COL26A1: variants seen among roughly 807,000 people sequenced by gnomAD.
COL26A1 encodes collagen type XXVI alpha 1 chain, also known as collagen alpha-1(XXVI) chain.
In COL26A1, 41 loss-of-function variants were observed where a neutral mutation model predicts 59.3. That is an observed-to-expected ratio of 0.69 (90% CI 0.54 to 0.90). The LOEUF is 0.90. Ranked by LOEUF, COL26A1 falls within the 40% of genes least tolerant of loss-of-function variation. The pLI is 0.00. For missense variants in COL26A1, 612 were observed against 602.3 expected (o/e 1.02, Z -0.17); for synonymous variants, 266 against 256.0 (o/e 1.04, Z -0.37).
chr7:101,385,386 T>TATATATATATATATATA (rs58580713), intron 1 of COL26A1, among the ~76,000 whole-genome samples: 14 of 149,784 alleles, frequency 9.3e-5, no homozygotes, highest in East Asian at 2.0e-4. Context: ...TATATATATA[T>TATATATATATATATATA]TTGTGACGGA....
intron 4 of COL26A1, among the ~76,000 whole-genome samples, chr7:101,538,751 C>T (rs531284301): frequency 1.8e-4 from 28 of 152,206 alleles, no homozygotes; most frequent in Admixed American, 8.5e-4. Context: ...GGAGACACCC[C>T]TGCTGGGGAG....
chr7:101,447,102 G>A (rs765387440), intron 2 of COL26A1, among the ~76,000 whole-genome samples: 1 of 152,118 alleles, frequency 6.6e-6, no homozygotes, highest in Non-Finnish European at 1.5e-5. Flanking sequence ...CACTGCTCAA[G>A]CCAGATTACA....
At chr7:101,433,268 G>T (rs768238856) in intron 2 of COL26A1, among the ~76,000 whole-genome samples, 1 of 152,090 alleles carries the variant, frequency 6.6e-6, no homozygotes, top group Admixed American at 6.6e-5. Context: ...AAGTTGTAGT[G>T]AACCAAGATC....
chr7:101,469,633 G>A (rs1247934722), intron 3 of COL26A1, among the ~76,000 whole-genome samples: 1 of 152,066 alleles, frequency 6.6e-6, no homozygotes, highest in East Asian at 1.9e-4. Context: ...GGGATTACAG[G>A]CGTGTGCCAC....
intron 1 of COL26A1, among the ~76,000 whole-genome samples, chr7:101,397,662 G>A (rs1035860138): frequency 3.3e-5 from 5 of 150,648 alleles, no homozygotes; most frequent in Non-Finnish European, 7.4e-5. Context: ...TTAGCCTCCC[G>A]AGTAGCTGGG....
At chr7:101,365,612 A>G (rs371748965) in intron 1 of COL26A1, among the ~76,000 whole-genome samples, 26 of 152,096 alleles carry the variant, frequency 1.7e-4, no homozygotes, top group African/African-American at 5.1e-4. Flanking sequence ...TTGTTGGCCA[A>G]TAAAAAATGT....
chr7:101,535,893 C>T (rs1795471754), intron 4 of COL26A1, among the ~76,000 whole-genome samples: 1 of 152,170 alleles, frequency 6.6e-6, no homozygotes, highest in Admixed American at 6.5e-5. Flanking sequence ...CTGCAGCCCC[C>T]GTCCTTTTGA....
At chr7:101,525,657 C>A (rs1024795265) in intron 3 of COL26A1, among the ~76,000 whole-genome samples, 1 of 151,208 alleles carries the variant, frequency 6.6e-6, no homozygotes. Context: ...CCATCACGCC[C>A]GGCTAATTTT....
intron 3 of COL26A1, among the ~76,000 whole-genome samples, chr7:101,520,562 C>T (rs761247591): frequency 2.6e-5 from 4 of 151,658 alleles, no homozygotes; most frequent in Non-Finnish European, 4.4e-5. Flanking sequence ...TGGTGCACAC[C>T]TGTACTCCCA....
At chr7:101,448,505 T>A (rs530595124) in intron 3 of COL26A1, among the ~76,000 whole-genome samples, 1 of 152,042 alleles carries the variant, frequency 6.6e-6, no homozygotes, top group East Asian at 1.9e-4. Context: ...TTTCTTTTTT[T>A]TTTTTGAGAC....
chr7:101,465,481 C>G (rs1475407185), intron 3 of COL26A1, among the ~76,000 whole-genome samples: 1 of 152,050 alleles, frequency 6.6e-6, no homozygotes, highest in Non-Finnish European at 1.5e-5. Flanking sequence ...TGCGCCTGGT[C>G]AGGAGTTCAA....
rs533426804 is a variant in COL26A1, at chr7:101,539,991, C to A, written c.546C>A (p.Pro182=). 1 of 1,613,606 alleles carries A rather than the reference C, an allele frequency of 6.2e-7. No individual in the cohort carries two copies. The highest frequency in any genetic ancestry group is 8.5e-7 in the Non-Finnish European group (1 of 1,179,834). Residue 182 remains proline, a synonymous_variant, in exon 5 of 13, where the codon CCC becomes CCA. Coordinates refer to ENST00000313669, the MANE Select transcript of COL26A1 (RefSeq NM_001278563.3). ...TPPTWNEDFL[P]DAIPLAHPVP... Reference sequence around the variant, plus strand: ...CGACCTGGAATGAGGACTTCCTCCCCGACGCCATCCCTCTTGCTCACCCTG... The same window carrying A: ...CGACCTGGAATGAGGACTTCCTCCCAGACGCCATCCCTCTTGCTCACCCTG...
rs2130276336 is a variant in COL26A1 at position 101,420,047 on chromosome 7, C to T, written c.229C>T (p.Gln77Ter). Residue 77 changes from glutamine (Q) to a stop codon, truncating the protein, a stop_gained, in exon 2 of 13, where the codon CAG becomes TAG. Transcript: ENST00000313669. LOFTEE classifies it high-confidence loss of function. Reference sequence around the variant, plus strand: ...GCAGAATGGCTCGGAGACGGTGGTCCAGCGCGTGTACCAGAGCTGCCGGTG... The same window carrying T: ...GCAGAATGGCTCGGAGACGGTGGTCTAGCGCGTGTACCAGAGCTGCCGGTG... ...QVQNGSETVV[Q>*]RVYQSCRWPG... The T allele has an allele frequency of 6.2e-7, 1 of 1,613,094 alleles. No individual in the cohort carries two copies.
intron 3 of COL26A1, among the ~76,000 whole-genome samples, chr7:101,517,464 C>T (rs1038645856): frequency 2.6e-5 from 4 of 152,172 alleles, no homozygotes; most frequent in South Asian, 2.1e-4. Context: ...CCTTGCCTTC[C>T]GCCATGATTG....
chr7:101,474,643 G>A (rs1424131548), intron 3 of COL26A1, among the ~76,000 whole-genome samples: 2 of 152,046 alleles, frequency 1.3e-5, no homozygotes, highest in Non-Finnish European at 2.9e-5. Flanking sequence ...CTGTGTCTGG[G>A]GCTATGGTGA....
chr7:101,407,917 A>T lies in COL26A1; in HGVS notation c.159-12060A>T, dbSNP rs141254066. On this transcript the variant is annotated intron_variant, in intron 1 of 12. Coordinates refer to ENST00000313669, the MANE Select transcript of COL26A1 (RefSeq NM_001278563.3). Reference sequence around the variant, plus strand: ...ATGAATAACCTGCCTGTTAATTTGCATACCATTAAGATGGGTATAAATAGG... The same window carrying T: ...ATGAATAACCTGCCTGTTAATTTGCTTACCATTAAGATGGGTATAAATAGG... 1.8e-4 allele frequency among the ~76,000 whole-genome samples: 27 copies of T among 152,330 alleles called. No individual in the cohort carries two copies. In the East Asian group the frequency reaches 4.8e-3, roughly 27 times the overall value.
At chr7:101,425,749 G>A (rs1792630124) in intron 2 of COL26A1, among the ~76,000 whole-genome samples, 1 of 150,304 alleles carries the variant, frequency 6.7e-6, no homozygotes, top group Non-Finnish European at 1.5e-5. Context: ...TCAAATGATC[G>A]GCCTCCCTCG....
At chr7:101,487,096 G>T (rs948177946) in intron 3 of COL26A1, among the ~76,000 whole-genome samples, 1 of 152,194 alleles carries the variant, frequency 6.6e-6, no homozygotes, top group Non-Finnish European at 1.5e-5. Context: ...GATGCAGGGC[G>T]GGGAGGAGGG....
At chr7:101,408,433 G>T (rs1792176618) in intron 1 of COL26A1, among the ~76,000 whole-genome samples, 1 of 152,218 alleles carries the variant, frequency 6.6e-6, no homozygotes, top group Admixed American at 6.5e-5. Context: ...CTTGGATGAG[G>T]TGACTCTGAG....
Sources: allele counts gnomAD v4.1 joint callset (sites outside exome capture counted in the v4.1 genomes callset), GRCh38; gene constraint gnomAD v4.1.1; transcripts MANE v1.5; gene names NCBI Gene and HGNC (gene_info 2026-07-23, HGNC 2026-07-21).